The following MCM9 variants were observed in gnomAD, a reference collection of about 807,000 sequenced individuals.
The protein encoded by MCM9 is minichromosome maintenance 9 homologous recombination repair factor.
Under a neutral mutation model 72.8 loss-of-function variants are expected in MCM9, and 55 were observed. The ratio of observed to expected loss-of-function variants is 0.76; its 90% CI spans 0.61 to 0.95. The LOEUF is 0.95. Among genes scored for constraint, MCM9 ranks in the 40% least tolerant of loss-of-function variants. The pLI, the probability that MCM9 is intolerant of heterozygous loss-of-function variation, is 0.00. For synonymous variants in MCM9, 480 were observed against 503.4 expected (o/e 0.95, Z 0.62); for missense variants, 1,279 against 1,377.0 (o/e 0.93, Z 1.13).
At chr6:118,868,297 G>A (rs1023721410) in intron 8 of MCM9, among the ~76,000 whole-genome samples, 69 of 152,230 alleles carry the variant, frequency 4.5e-4, no homozygotes, top group African/African-American at 1.6e-3. Context: ...TGTGTGAGGA[G>A]GAAAAATAAA....
At chr6:118,818,136 G>A (rs1050885078) in intron 13 of MCM9, among the ~76,000 whole-genome samples, 3 of 152,302 alleles carry the variant, frequency 2.0e-5, no homozygotes, top group Admixed American at 6.5e-5. Flanking sequence ...GGTTTGATTA[G>A]ATCCCATTTG....
Position 118,841,920 on chromosome 6 carries a change from C to T in MCM9, c.1326-12670G>A, listed in dbSNP as rs542843950. 1.4e-4 allele frequency among the ~76,000 whole-genome samples: 21 copies of T among 151,746 alleles called. No individual in the cohort carries two copies. The South Asian group carries it at 2.7e-3, about 20-fold the overall frequency. ...CGTGATCCCAGCTCACTGCAGCCTC[C>T]GCCTCCCGGGTTCAAGCGATTCTCC... On this transcript the variant is annotated intron_variant, in intron 9 of 13. Transcript: ENST00000619706.
intron 13 of MCM9, among the ~76,000 whole-genome samples, chr6:118,823,950 A>C (rs1028264882): frequency 2.0e-5 from 3 of 151,604 alleles, no homozygotes; most frequent in Non-Finnish European, 4.4e-5. Flanking sequence ...CTTTATAATC[A>C]GAAAAAAAGC....
chr6:118,930,360 C>T lies in MCM9; in HGVS notation c.304+1060G>A, dbSNP rs533452134. 2.0e-5 allele frequency among the ~76,000 whole-genome samples: 3 copies of T among 152,312 alleles called. No homozygotes were observed. The South Asian group carries it at 6.2e-4, about 32-fold the overall frequency. Reference sequence around the variant, plus strand: ...ATTTCCTGACCTTGCGATCTGCCCGCCTTGGCCTCCCAAAGTGCTGGGATT... The same window carrying T: ...ATTTCCTGACCTTGCGATCTGCCCGTCTTGGCCTCCCAAAGTGCTGGGATT... On this transcript the variant is annotated intron_variant, in intron 3 of 13. Transcript: ENST00000619706.
At chr6:118,843,737 T>C (rs1196053437) in intron 9 of MCM9, among the ~76,000 whole-genome samples, 1 of 140,902 alleles carries the variant, frequency 7.1e-6, no homozygotes, top group Non-Finnish European at 1.5e-5. Flanking sequence ...TATATATATA[T>C]ATATGAGAAA....
chr6:118,914,021 T>C (rs989793805), intron 6 of MCM9, among the ~76,000 whole-genome samples: 5 of 152,184 alleles, frequency 3.3e-5, no homozygotes, highest in Non-Finnish European at 7.4e-5. Context: ...AATCTTTAAA[T>C]ACAGAGGTAG....
At chr6:118,824,443 G>A (rs1036991644) in intron 13 of MCM9, among the ~76,000 whole-genome samples, 3 of 151,534 alleles carry the variant, frequency 2.0e-5, no homozygotes, top group Admixed American at 2.0e-4. Context: ...CGAGTAGCTG[G>A]AATTACAGGC....
At position 118,856,420 on chromosome 6, in the gene MCM9, T is replaced by C; in HGVS notation, c.1276A>G (p.Ser426Gly). ...FNSLKEHDRT[S>G]IHEAMEQQTI... is the part of the protein sequence containing the mutation. Reference sequence around the variant, plus strand: ...TGTTGCTCCATTGCTTCATGGATACTGGTCCTATCATGCTCTTTGAGGCTA... The same window carrying C: ...TGTTGCTCCATTGCTTCATGGATACCGGTCCTATCATGCTCTTTGAGGCTA... Residue 426 changes from serine (S) to glycine (G), a missense_variant, in exon 9 of 14, where the codon AGT becomes GGT. By Grantham distance (56) the Ser-to-Gly change is moderately conservative. Coordinates refer to ENST00000619706, the MANE Select transcript of MCM9 (RefSeq NM_017696.3). The C allele has an allele frequency of 6.5e-7, 1 of 1,535,700 alleles. No individual in the cohort carries two copies. Among genetic ancestry groups the C allele is most frequent in the Non-Finnish European group, 8.7e-7 (1 of 1,146,890 alleles).
intron 6 of MCM9, among the ~76,000 whole-genome samples, chr6:118,915,807 T>C (rs867277165): frequency 3.3e-5 from 5 of 152,340 alleles, no homozygotes; most frequent in South Asian, 4.1e-4. Flanking sequence ...TTCCTACTTA[T>C]ATTTCTCACA....
chr6:118,819,152 C>T (rs1773615334), intron 13 of MCM9, among the ~76,000 whole-genome samples: 1 of 152,134 alleles, frequency 6.6e-6, no homozygotes, highest in Non-Finnish European at 1.5e-5. Flanking sequence ...ACTTCCAATA[C>T]TATGTTGACT....
At chr6:118,930,865 C>G (rs1443604665) in intron 3 of MCM9, among the ~76,000 whole-genome samples, 1 of 152,210 alleles carries the variant, frequency 6.6e-6, no homozygotes, top group South Asian at 2.1e-4. Context: ...GGGGCAAGGA[C>G]TCCTAGAGGC....
chr6:118,840,470 G>A lies in MCM9; in HGVS notation c.1326-11220C>T, dbSNP rs928105724. Among the ~76,000 whole-genome samples, 12 of 152,170 alleles carry A rather than the reference G, an allele frequency of 7.9e-5. No homozygotes were observed. The East Asian group carries it at 9.6e-4, about 12-fold the overall frequency. ...AGCAAGCTCCAGTTCCTTTGGCTACGGCAAAACCTATCCCAACAATGTTTG... is the reference window on the plus strand; with the variant it reads ...AGCAAGCTCCAGTTCCTTTGGCTACAGCAAAACCTATCCCAACAATGTTTG... On this transcript the variant is annotated intron_variant, in intron 9 of 13. Coordinates refer to ENST00000619706, the MANE Select transcript of MCM9 (RefSeq NM_017696.3).
At chr6:118,822,103 C>T (rs1462657357) in intron 13 of MCM9, among the ~76,000 whole-genome samples, 4 of 152,110 alleles carry the variant, frequency 2.6e-5, no homozygotes, top group African/African-American at 9.7e-5. Flanking sequence ...TTGTTATTAC[C>T]CACCTTCTGA....
At chr6:118,901,266 G>T (rs569715086) in intron 8 of MCM9, among the ~76,000 whole-genome samples, 1 of 152,272 alleles carries the variant, frequency 6.6e-6, no homozygotes, top group East Asian at 1.9e-4. Context: ...AACTGGCATT[G>T]TTAGTAATAT....
At position 118,900,997 on chromosome 6, in the gene MCM9, A is replaced by T. The variant is rs1222770805; in HGVS notation, c.1150+10653T>A. 7.0e-6 allele frequency: 5 copies of T among 716,412 alleles called. No individual in the cohort carries two copies. The East Asian group carries it at 1.3e-4, about 18-fold the overall frequency. The allele number at this position is 716,412 out of a possible 1,614,324, so 44.4% of individuals were successfully genotyped here. A position where few individuals can be genotyped will look rare whatever the true frequency, so the allele number is the denominator to read the frequency against. On this transcript the variant is annotated intron_variant, in intron 8 of 13. Coordinates refer to ENST00000619706, the MANE Select transcript of MCM9 (RefSeq NM_017696.3). ...TGGGTTAAAGAACTGCTTCTGCTGCATTCACTTTAAATCTGTTTCCATCAT... is the reference window on the plus strand; with the variant it reads ...TGGGTTAAAGAACTGCTTCTGCTGCTTTCACTTTAAATCTGTTTCCATCAT...
chr6:118,843,518 C>G (rs1335309057), intron 9 of MCM9, among the ~76,000 whole-genome samples: 1 of 150,348 alleles, frequency 6.7e-6, no homozygotes, highest in Admixed American at 6.6e-5. Context: ...ATCCCAGCTA[C>G]TCAGAAGGCT....
intron 9 of MCM9, among the ~76,000 whole-genome samples, chr6:118,833,794 G>C (rs923330257): frequency 6.6e-6 from 1 of 152,144 alleles, no homozygotes; most frequent in African/African-American, 2.4e-5. Flanking sequence ...GAGGAAATGG[G>C]AGTTTTTTTA....
intron 8 of MCM9, among the ~76,000 whole-genome samples, chr6:118,874,655 C>T (rs954618285): frequency 8.5e-5 from 13 of 152,112 alleles, no homozygotes; most frequent in Admixed American, 4.6e-4. Context: ...GCTCTTTGTT[C>T]GCAGATAATA....
At chr6:118,836,112 GTTT>G in intron 9 of MCM9, among the ~76,000 whole-genome samples, 1 of 152,270 alleles carries the variant, frequency 6.6e-6, no homozygotes. Context: ...TAATCAAGTG[GTTT>G]TTGTCATTGG....
Sources: gnomAD v4.1 joint callset for allele counts (sites outside exome capture counted in the v4.1 genomes callset) on GRCh38, gnomAD v4.1.1 for gene constraint, MANE v1.5 for transcripts, NCBI Gene and HGNC (gene_info 2026-07-23, HGNC 2026-07-21) for gene names.